FAM149A: variants seen among roughly 807,000 people sequenced by gnomAD.
FAM149A encodes the protein protein FAM149A.
Under a neutral mutation model 78.2 loss-of-function variants are expected in FAM149A, and 71 were observed. The observed-to-expected ratio is 0.91, with a 90% CI of 0.75 to 1.11. FAM149A has a LOEUF of 1.11. FAM149A is among the 50% of genes least tolerant of loss of function. The pLI, the probability that FAM149A is intolerant of heterozygous loss-of-function variation, is 0.00. For synonymous variants in FAM149A, 446 were observed against 410.5 expected (o/e 1.09, Z -1.04); for missense variants, 1,036 against 971.0 (o/e 1.07, Z -0.89).
chr4:186,144,947 G>T lies in FAM149A; in HGVS notation c.567-4226G>T. The T allele has an allele frequency of 1.1e-6, 1 of 940,562 alleles. No individual in the cohort carries two copies. Among genetic ancestry groups the T allele is most frequent in the Non-Finnish European group, 1.2e-6 (1 of 816,064 alleles). 58.3% of individuals were successfully genotyped at this position (940,562 alleles called of 1,614,324 possible). The stretch of plus-strand genomic sequence containing the variant: ...GCGGCGGGCGCGGGCGCGGGCGCGG[G>T]CGCGGGCGCGGGCGGGTGGGGAGCC... On this transcript the variant is annotated intron_variant, in intron 1 of 13. Transcript: ENST00000389354. This position sits in a 1 kb window ranked among gnomAD's most constrained non-coding sequence, Gnocchi z 4.2.
At chr4:186,170,511 G>A (rs1735435933) in intron 13 of FAM149A, among the ~76,000 whole-genome samples, 1 of 152,154 alleles carries the variant, frequency 6.6e-6, no homozygotes, top group South Asian at 2.1e-4. Context: ...GGTAGGGGTG[G>A]CCCTGTCCGG....
chr4:186,150,102 C>T (rs1474940695), intron 3 of FAM149A, among the ~76,000 whole-genome samples: 1 of 149,354 alleles, frequency 6.7e-6, no homozygotes, highest in Non-Finnish European at 1.5e-5. Flanking sequence ...TATTCCCAGT[C>T]GGATATTTCA....
intron 1 of FAM149A, chr4:186,145,206 G>C: frequency 4.2e-6 from 4 of 949,492 alleles, no homozygotes; most frequent in Non-Finnish European, 3.8e-6. Context: ...CGTCTGGCCC[G>C]GGCTTCCCTG....
At position 186,128,842 on chromosome 4, in the gene FAM149A, T is replaced by C. The variant is rs962231634; in HGVS notation, c.567-20331T>C. ...ATGGATGTCTGTGTGTATGTGCATG[T>C]GTGTATGGTGTATGCATCTGTATAG... On this transcript the variant is annotated intron_variant, in intron 1 of 13. Transcript: ENST00000389354. Among the ~76,000 whole-genome samples, 3 of 152,206 alleles carry C rather than the reference T, an allele frequency of 2.0e-5. No individual in the cohort carries two copies. In the East Asian group the frequency reaches 5.8e-4, roughly 29 times the overall value.
chr4:186,136,199 A>G (rs1221194312), intron 1 of FAM149A, among the ~76,000 whole-genome samples: 1 of 152,244 alleles, frequency 6.6e-6, no homozygotes, highest in African/African-American at 2.4e-5. Context: ...AGTTTGCCCA[A>G]TTGAACTCTT....
At chr4:186,127,057 T>C (rs1320898912) in intron 1 of FAM149A, 1 of 985,302 alleles carries the variant, frequency 1.0e-6, no homozygotes, top group Non-Finnish European at 1.2e-6. Flanking sequence ...GGACAGTTAC[T>C]TCACAGGCAG....
intron 1 of FAM149A, among the ~76,000 whole-genome samples, chr4:186,139,408 G>A (rs1210722813): frequency 2.0e-5 from 3 of 152,146 alleles, no homozygotes; most frequent in African/African-American, 7.2e-5. Context: ...CCTTTAGGAG[G>A]CGATTAGGTC....
intron 1 of FAM149A, chr4:186,124,121 CT>C (rs2099317227): frequency 2.0e-6 from 2 of 984,736 alleles, no homozygotes; most frequent in East Asian, 2.3e-4. Context: ...AAAGGATGGA[CT>C]TACGATAAGA....
At chr4:186,130,211 G>A (rs10014489) in intron 1 of FAM149A, 7 of 147,238 alleles carry the variant, frequency 4.8e-5, no homozygotes, top group Non-Finnish European at 8.9e-5. Flanking sequence ...ACTTGTAAAC[G>A]GTGCAAAACC....
chr4:186,118,076 G>A, intron 1 of FAM149A: 8 of 985,352 alleles, frequency 8.1e-6, no homozygotes, highest in Non-Finnish European at 9.6e-6. Flanking sequence ...GCACGGGGCT[G>A]GACATTCATG....
chr4:186,125,224 A>G lies in FAM149A; in HGVS notation c.566+19582A>G, dbSNP rs373044914. On this transcript the variant is annotated intron_variant, in intron 1 of 13. Coordinates refer to ENST00000389354, the MANE Select transcript of FAM149A (RefSeq NM_001367768.3). Reference sequence around the variant, plus strand: ...CACAAACCTTTTCCTTTCTCTCAGTACTTTTTCTCTAAGTAATGATGCAGT... The same window carrying G: ...CACAAACCTTTTCCTTTCTCTCAGTGCTTTTTCTCTAAGTAATGATGCAGT... 6 of 982,346 alleles carry G rather than the reference A, an allele frequency of 6.1e-6. No individual in the cohort carries two copies. The African/African-American group carries it at 1.1e-4, about 17-fold the overall frequency. 60.9% of individuals were successfully genotyped at this position (982,346 alleles called of 1,614,324 possible). A position where few individuals can be genotyped will look rare whatever the true frequency, so the allele number is the denominator to read the frequency against.
At chr4:186,135,604 G>C (rs1231156414) in intron 1 of FAM149A, among the ~76,000 whole-genome samples, 1 of 152,168 alleles carries the variant, frequency 6.6e-6, no homozygotes, top group East Asian at 1.9e-4. Flanking sequence ...GTAGCGACTT[G>C]CTAACATTGA....
intron 4 of FAM149A, among the ~76,000 whole-genome samples, chr4:186,152,875 AAC>A (rs1434160279): frequency 6.6e-6 from 1 of 152,138 alleles, no homozygotes; most frequent in Non-Finnish European, 1.5e-5. Context: ...TCACTCAGCC[AAC>A]GTACTGGGGG....
At chr4:186,109,433 G>A (rs768111878) in intron 1 of FAM149A, 2 of 966,416 alleles carry the variant, frequency 2.1e-6, no homozygotes, top group South Asian at 4.8e-5. Context: ...GACTTATCTC[G>A]ATTCCTCTGA....
At chr4:186,171,824 A>G (rs1735560395) in intron 13 of FAM149A, 90 bp from the exon 14 acceptor site, 2 of 861,000 alleles carry the variant, frequency 2.3e-6, no homozygotes, top group Admixed American at 3.2e-5. Flanking sequence ...TATATTTTAA[A>G]GTATTTGCAT....
chr4:186,119,934 A>G (rs950819783), intron 1 of FAM149A, among the ~76,000 whole-genome samples: 1 of 152,234 alleles, frequency 6.6e-6, no homozygotes, highest in Non-Finnish European at 1.5e-5. Context: ...TTCTTGCTAA[A>G]TTAATGCAAA....
Position 186,173,134 on chromosome 4 carries a change from A to G in FAM149A, c.*1147A>G, listed in dbSNP as rs531210063. Among the ~76,000 whole-genome samples the G allele has an allele frequency of 8.0e-5, 9 of 113,122 alleles. 2 individuals carry two copies. The highest frequency in any genetic ancestry group is 7.8e-4 in the Admixed American group (9 of 11,588). The allele number at this position is 113,122 out of a possible 152,430, so 74.2% of individuals were successfully genotyped here. ...ATAAACTTAGATTTATAAACTATAT[A>G]CACACATATATGTATCATATAAATG... is the stretch of plus-strand genomic sequence containing the variant. On this transcript the variant is annotated 3_prime_UTR_variant, in exon 14 of 14. Coordinates refer to ENST00000389354, the MANE Select transcript of FAM149A (RefSeq NM_001367768.3).
intron 1 of FAM149A, among the ~76,000 whole-genome samples, chr4:186,141,618 A>G (rs766146594): frequency 2.0e-5 from 3 of 152,242 alleles, no homozygotes; most frequent in Non-Finnish European, 2.9e-5. Flanking sequence ...AACAGAAGTC[A>G]TAAGAAATAT....
Position 186,144,760 on chromosome 4 carries a change from G to A in FAM149A, c.567-4413G>A. 2.1e-6 allele frequency: 2 copies of A among 940,100 alleles called. No homozygotes were observed. The highest frequency in any genetic ancestry group is 2.5e-6 in the Non-Finnish European group (2 of 788,326). 58.2% of individuals were successfully genotyped at this position (940,100 alleles called of 1,614,324 possible). A position where few individuals can be genotyped will look rare whatever the true frequency, so the allele number is the denominator to read the frequency against. On this transcript the variant is annotated intron_variant, in intron 1 of 13. Transcript: ENST00000389354. This position sits in a 1 kb window ranked among gnomAD's most constrained non-coding sequence, Gnocchi z 4.2. ...CGGGGCCGGGGCCCGGAGCGGGGAT[G>A]GGCGGGCGCAGCCGGGATTAGCTGG...
Sources: gnomAD v4.1 joint callset for allele counts (sites outside exome capture counted in the v4.1 genomes callset) on GRCh38, gnomAD v4.1.1 for gene constraint, Gnocchi (gnomAD v3.1) non-coding constraint, MANE v1.5 for transcripts, NCBI Gene and HGNC (gene_info 2026-07-23, HGNC 2026-07-21) for gene names.